The following TRAF1 variants were observed in gnomAD, a reference collection of about 807,000 sequenced individuals.
TRAF1 encodes the protein TNF receptor-associated factor 1.
Under a neutral mutation model 40.9 loss-of-function variants are expected in TRAF1, and 23 were observed. The observed-to-expected ratio is 0.56, with a 90% CI of 0.40 to 0.80. The LOEUF is 0.80. Among genes scored for constraint, TRAF1 ranks in the 30% least tolerant of loss-of-function variants. The probability of loss-of-function intolerance (pLI) is 0.00; values close to 1 mark genes in which losing one functional copy is unlikely to be tolerated. For synonymous variants in TRAF1, 206 were observed against 218.8 expected (o/e 0.94, Z 0.52); for missense variants, 477 against 528.7 (o/e 0.90, Z 0.96).
chr9:120,907,763 T>C (rs1312446830), intron 7 of TRAF1, among the ~76,000 whole-genome samples: 1 of 152,198 alleles, frequency 6.6e-6, no homozygotes, highest in Non-Finnish European at 1.5e-5. Context: ...TCCCAGAAGT[T>C]TTCCTTATTT....
chr9:120,917,056 C>T (rs529321919), intron 3 of TRAF1, among the ~76,000 whole-genome samples: 148 of 152,342 alleles, frequency 9.7e-4, no homozygotes, highest in African/African-American at 3.4e-3. Context: ...TTCCAGACAT[C>T]ACCCCGCAGG....
chr9:120,903,068 T>C lies in TRAF1; in HGVS notation c.*1952A>G, dbSNP rs979539262. 14 of 152,200 alleles carry C rather than the reference T, an allele frequency of 9.2e-5. No homozygotes were observed. Among genetic ancestry groups the C allele is most frequent in the African/African-American group, 3.4e-4 (14 of 41,434 alleles). 9.4% of individuals were successfully genotyped at this position (152,200 alleles called of 1,614,324 possible). A position where few individuals can be genotyped will look rare whatever the true frequency, so the allele number is the denominator to read the frequency against. Reference sequence around the variant, plus strand: ...TCGGTGAGTAGGGATCAAGAGGTTATTGCTAGGACATCAGTTTCAGGGCCT... The same window carrying C: ...TCGGTGAGTAGGGATCAAGAGGTTACTGCTAGGACATCAGTTTCAGGGCCT... On this transcript the variant is annotated 3_prime_UTR_variant, in exon 8 of 8. Coordinates refer to ENST00000373887, the MANE Select transcript of TRAF1 (RefSeq NM_005658.5).
intron 6 of TRAF1, among the ~76,000 whole-genome samples, chr9:120,909,962 G>A (rs1434444205): frequency 6.6e-6 from 1 of 152,170 alleles, no homozygotes; most frequent in Non-Finnish European, 1.5e-5. Flanking sequence ...GGAGGCTGGG[G>A]GTACATGGGG....
At position 120,913,663 on chromosome 9, in the gene TRAF1, T is replaced by C; in HGVS notation, c.370A>G (p.Lys124Glu). ...SHLNLLLGFMKQWKARLGCGL... is the reference protein window; with the variant it reads ...SHLNLLLGFMEQWKARLGCGL... Reference sequence around the variant, plus strand: ...CAGCCCAGCCGGGCCTTCCACTGTTTCATGAACCCCAACAGCAGGTTTAGG... The same window carrying C: ...CAGCCCAGCCGGGCCTTCCACTGTTCCATGAACCCCAACAGCAGGTTTAGG... Residue 124 changes from lysine to glutamate, a missense_variant, in exon 5 of 8, where the codon AAA becomes GAA. Lys to Glu is a moderately conservative substitution (Grantham distance 56, BLOSUM62 1). Transcript: ENST00000373887. The C allele has an allele frequency of 6.2e-7, 1 of 1,613,110 alleles. No individual in the cohort carries two copies. Among genetic ancestry groups the C allele is most frequent in the South Asian group, 1.1e-5 (1 of 91,004 alleles).
intron 3 of TRAF1, among the ~76,000 whole-genome samples, chr9:120,917,091 C>T (rs139268881): frequency 5.4e-4 from 82 of 152,302 alleles, no homozygotes; most frequent in Non-Finnish European, 9.4e-4. Flanking sequence ...CTTTCAGCAG[C>T]GGAGCTGTCC....
chr9:120,916,939 T>A (rs1291157997), intron 3 of TRAF1, among the ~76,000 whole-genome samples: 1 of 152,074 alleles, frequency 6.6e-6, no homozygotes, highest in Non-Finnish European at 1.5e-5. Context: ...GTCCCACCCC[T>A]CCCCACAGGT....
intron 6 of TRAF1, 80 bp from the exon 7 acceptor site, chr9:120,909,458 C>T: frequency 6.5e-7 from 1 of 1,537,790 alleles, no homozygotes; most frequent in Non-Finnish European, 8.8e-7. Flanking sequence ...TCAGGCATGC[C>T]CAAGGTCAGC....
At position 120,913,493 on chromosome 9, in the gene TRAF1, G is replaced by C. The variant is rs1228934876; in HGVS notation, c.540C>G (p.His180Gln). The part of the protein sequence containing the change: ...SESQEELALQ[H>Q]FMKEKLLAEL... ...CAGCCAGAAGCTTCTCCTTCATGAA[G>C]TGCTGCAGGGCCAGCTCCTCCTGGC... Residue 180 changes from histidine (H) to glutamine (Q), a missense_variant, in exon 5 of 8, where the codon CAC becomes CAG. By Grantham distance (24) the His-to-Gln change is conservative (BLOSUM62 0). Transcript: ENST00000373887. 4 of 1,613,908 alleles carry C rather than the reference G, an allele frequency of 2.5e-6. No individual in the cohort carries two copies. The highest frequency in any genetic ancestry group is 3.4e-6 in the Non-Finnish European group (4 of 1,180,010).
intron 7 of TRAF1, among the ~76,000 whole-genome samples, chr9:120,906,929 C>T (rs10818486): frequency 0.46 from 69,274 of 152,044 alleles, 18,226 homozygotes; most frequent in South Asian, 0.7. Flanking sequence ...AGTACAGTGG[C>T]GCGATCTCAG....
In TRAF1 at chr9:120,913,536, C is replaced by T. The variant is rs770607029; in HGVS notation, c.497G>A (p.Arg166Gln). Residue 166 changes from arginine to glutamine, a missense_variant, in exon 5 of 8, where the codon CGG (arginine) becomes CAG (glutamine). Physicochemically the swap from Arg to Gln is conservative, Grantham distance 43 (BLOSUM62 1). Transcript: ENST00000373887. ...CTCCTGGCTCTCGGAGCAGGGTGCCCGGTAGCAATCGACCTCCAGGTCCCC... is the reference window on the plus strand; with the variant it reads ...CTCCTGGCTCTCGGAGCAGGGTGCCTGGTAGCAATCGACCTCCAGGTCCCC... ...VAGDLEVDCY[R>Q]APCSESQEEL... The T allele has an allele frequency of 2.7e-5, 44 of 1,613,572 alleles. No homozygotes were observed. Among genetic ancestry groups the T allele is most frequent in the South Asian group, 6.6e-5 (6 of 91,060 alleles).
chr9:120,907,009 C>G (rs1321600929), intron 7 of TRAF1, among the ~76,000 whole-genome samples: 1 of 152,302 alleles, frequency 6.6e-6, no homozygotes, highest in East Asian at 1.9e-4. Flanking sequence ...GATGGGATTA[C>G]AGGCACACAT....
chr9:120,922,712 A>T (rs1325530236), intron 3 of TRAF1, among the ~76,000 whole-genome samples: 1 of 152,248 alleles, frequency 6.6e-6, no homozygotes, highest in Non-Finnish European at 1.5e-5. Context: ...ACAGAGGCAG[A>T]CAGAACCATC....
At chr9:120,914,960 G>A (rs1309964240) in intron 3 of TRAF1, among the ~76,000 whole-genome samples, 1 of 152,166 alleles carries the variant, frequency 6.6e-6, no homozygotes, top group African/African-American at 2.4e-5. Flanking sequence ...CTTACAGCAT[G>A]GTGGGGAAGA....
chr9:120,925,192 A>T (rs2131636474), intron 2 of TRAF1, among the ~76,000 whole-genome samples: 1 of 152,368 alleles, frequency 6.6e-6, no homozygotes, highest in African/African-American at 2.4e-5. Context: ...GTTTAAGGGC[A>T]TATTTGCCAG....
intron 7 of TRAF1, among the ~76,000 whole-genome samples, chr9:120,907,572 C>T (rs1199037541): frequency 6.6e-6 from 1 of 152,330 alleles, no homozygotes. Flanking sequence ...AGTGGCCGTA[C>T]CATTTTGCAT....
rs568930161 is a variant in TRAF1 at position 120,910,769 on chromosome 9, G to T, written c.883+567C>A. 3.9e-5 allele frequency among the ~76,000 whole-genome samples: 6 copies of T among 152,302 alleles called. No homozygotes were observed. In the South Asian group the frequency reaches 1.2e-3, roughly 32 times the overall value. ...TATCATTTAGTTAAGAGAAACACTTGCCAAGTAATTACTTTATGCAAGACA... is the reference window on the plus strand; with the variant it reads ...TATCATTTAGTTAAGAGAAACACTTTCCAAGTAATTACTTTATGCAAGACA... On this transcript the variant is annotated intron_variant, in intron 6 of 7. Transcript: ENST00000373887.
intron 6 of TRAF1, among the ~76,000 whole-genome samples, chr9:120,910,090 T>C (rs947420328): frequency 6.6e-6 from 1 of 152,170 alleles, no homozygotes; most frequent in Non-Finnish European, 1.5e-5. Context: ...CATGAGAGCA[T>C]GTCCTCTGGC....
Position 120,913,600 on chromosome 9 carries a change from G to C in TRAF1, c.433C>G (p.Leu145Val), listed in dbSNP as rs778546505. The C allele has an allele frequency of 6.2e-7, 1 of 1,613,858 alleles. No homozygotes were observed. The highest frequency in any genetic ancestry group is 1.3e-5 in the African/African-American group (1 of 74,934). ...GCTGCCTGCAGCTGCAGGTCTGACA[G>C]GTTCTGCTCCAGGGCCATGGGCCCA... ...ESGPMALEQNLSDLQLQAAVE... is the reference protein window; with the variant it reads ...ESGPMALEQNVSDLQLQAAVE... Residue 145 changes from leucine (L) to valine (V), a missense_variant, in exon 5 of 8, where the codon CTG becomes GTG. Coordinates refer to ENST00000373887, the MANE Select transcript of TRAF1 (RefSeq NM_005658.5).
At position 120,915,810 on chromosome 9, in the gene TRAF1, G is replaced by C. The variant is rs2046565318; in HGVS notation, c.229-1510C>G. On this transcript the variant is annotated intron_variant, in intron 3 of 7. Coordinates refer to ENST00000373887, the MANE Select transcript of TRAF1 (RefSeq NM_005658.5). ...GATCACATCACTGTACTCCAGCCTGGGTAGCAGAGAAAGACCTTGTCTCTC... is the reference window on the plus strand; with the variant it reads ...GATCACATCACTGTACTCCAGCCTGCGTAGCAGAGAAAGACCTTGTCTCTC... Among the ~76,000 whole-genome samples, 3 of 151,724 alleles carry C rather than the reference G, an allele frequency of 2.0e-5. No individual in the cohort carries two copies. The South Asian group carries it at 6.3e-4, about 32-fold the overall frequency.
Sources: gnomAD v4.1 joint callset for allele counts (sites outside exome capture counted in the v4.1 genomes callset) on GRCh38, gnomAD v4.1.1 for gene constraint, MANE v1.5 for transcripts, NCBI Gene and HGNC (gene_info 2026-07-23, HGNC 2026-07-21) for gene names.